The following PCTP variants were observed in gnomAD, a reference collection of about 807,000 sequenced individuals.
PCTP encodes the protein phosphatidylcholine transfer protein, also known as START domain-containing protein 2.
PCTP carries 27 observed loss-of-function variants against 31.0 expected under a neutral mutation model. The observed-to-expected ratio is 0.87, with a 90% CI of 0.64 to 1.20. The LOEUF is 1.20. PCTP is among the 50% of genes most tolerant of loss of function. The pLI is 0.00. For synonymous variants in PCTP, 108 were observed against 101.2 expected (o/e 1.07, Z -0.40); for missense variants, 287 against 268.2 (o/e 1.07, Z -0.49).
chr17:55,775,638 A>G, intron 5 of PCTP: 4 of 1,196,406 alleles, frequency 3.3e-6, no homozygotes, highest in Non-Finnish European at 4.1e-6. Context: ...CTAAATAATA[A>G]TATATCCTGC....
the PCTP span, among the ~76,000 whole-genome samples, chr17:55,849,450 C>G: frequency 6.6e-6 from 1 of 152,042 alleles, no homozygotes; most frequent in Non-Finnish European, 1.5e-5. Flanking sequence ...TGGTGAAACC[C>G]CATCTTTACT....
At chr17:55,851,233 A>G in the PCTP span, among the ~76,000 whole-genome samples, 1 of 152,232 alleles carries the variant, frequency 6.6e-6, no homozygotes, top group African/African-American at 2.4e-5. Flanking sequence ...CATCTTAGTC[A>G]TTACTGAGGC....
At chr17:55,833,288 T>A (rs1288320173) in intron 5 of PCTP, among the ~76,000 whole-genome samples, 3 of 152,238 alleles carry the variant, frequency 2.0e-5, no homozygotes, top group Admixed American at 1.3e-4. Flanking sequence ...GTTCTCAGGC[T>A]TGGAATCCAG....
downstream of PCTP, among the ~76,000 whole-genome samples, chr17:55,826,467 GA>G (rs11407655): frequency 1.6e-3 from 217 of 135,578 alleles, 4 homozygotes; most frequent in South Asian, 5.5e-3. Flanking sequence ...AAAAAGATAA[GA>G]AAAAAAAAAA....
chr17:55,849,624 A>G, the PCTP span, among the ~76,000 whole-genome samples: 139 of 152,330 alleles, frequency 9.1e-4, 1 homozygote, highest in African/African-American at 2.9e-3. Flanking sequence ...ACTCTGTCTC[A>G]AAATTAAATA....
intron 1 of PCTP, among the ~76,000 whole-genome samples, chr17:55,765,906 C>T (rs932302468): frequency 5.3e-5 from 8 of 152,194 alleles, no homozygotes; most frequent in Non-Finnish European, 1.2e-4. Flanking sequence ...AATCTGAGGA[C>T]CTTCCTTCTA....
chr17:55,845,887 G>GGTGTGTGTGTGTGTGTGTGT (rs34179575), downstream of PCTP, among the ~76,000 whole-genome samples: 215 of 143,054 alleles, frequency 1.5e-3, 2 homozygotes, highest in South Asian at 7.8e-3. Flanking sequence ...AGAGGGTTGG[G>GGTGTGTGTGTGTGTGTGTGT]GTGTGTGTGT....
chr17:55,761,508 C>T (rs1399610955), intron 1 of PCTP, among the ~76,000 whole-genome samples: 1 of 148,108 alleles, frequency 6.8e-6, no homozygotes, highest in East Asian at 2.0e-4. Flanking sequence ...TATATACCTA[C>T]TGGCATTATA....
At chr17:55,767,275 A>G in intron 1 of PCTP, 60 bp from the exon 2 acceptor site, 1 of 1,031,922 alleles carries the variant, frequency 9.7e-7, no homozygotes, top group Non-Finnish European at 1.5e-6. Flanking sequence ...AATTATGTGG[A>G]ATGCAGCTTT....
intron 1 of PCTP, among the ~76,000 whole-genome samples, chr17:55,766,428 C>A (rs1910659781): frequency 8.2e-6 from 1 of 121,986 alleles, no homozygotes; most frequent in African/African-American, 3.4e-5. Context: ...CACCCCACAA[C>A]AGTCCCCAGA....
chr17:55,831,083 C>G (rs1398388522), intron 5 of PCTP, among the ~76,000 whole-genome samples: 2 of 152,110 alleles, frequency 1.3e-5, no homozygotes. Flanking sequence ...CCCATTCAAT[C>G]GATTACGGGC....
chr17:55,767,292 A>G (rs1910716461), intron 1 of PCTP, 43 bp from the exon 2 acceptor site: 1 of 1,263,186 alleles, frequency 7.9e-7, no homozygotes, highest in South Asian at 1.3e-5. Flanking sequence ...CTTTCTCTCA[A>G]CTTGGGAACC....
intron 2 of PCTP, among the ~76,000 whole-genome samples, chr17:55,782,915 T>G (rs991806783): frequency 2.0e-5 from 3 of 152,206 alleles, no homozygotes; most frequent in Non-Finnish European, 4.4e-5. Flanking sequence ...TCCAAAAGGG[T>G]ACAGAACTTT....
At chr17:55,831,081 A>G (rs908436854) in intron 5 of PCTP, among the ~76,000 whole-genome samples, 1 of 152,016 alleles carries the variant, frequency 6.6e-6, no homozygotes, top group Non-Finnish European at 1.5e-5. Context: ...AGCCCATTCA[A>G]TCGATTACGG....
At chr17:55,781,071 G>C (rs1194700883), downstream of PCTP, among the ~76,000 whole-genome samples, 3 of 150,818 alleles carry the variant, frequency 2.0e-5, no homozygotes, top group Admixed American at 1.3e-4. Context: ...AGCTCAAAAA[G>C]AGTGTCCCTT....
At chr17:55,801,298 A>G (rs1912369843) in intron 3 of PCTP, among the ~76,000 whole-genome samples, 1 of 152,168 alleles carries the variant, frequency 6.6e-6, no homozygotes, top group Non-Finnish European at 1.5e-5. Context: ...AATATTAGAC[A>G]GATCAGTGTG....
At chr17:55,845,501 G>A (rs1464885805), downstream of PCTP, among the ~76,000 whole-genome samples, 1 of 152,222 alleles carries the variant, frequency 6.6e-6, no homozygotes, top group Admixed American at 6.5e-5. Context: ...GGGCAGTGTG[G>A]TCCTGCCGAA....
At chr17:55,792,172 G>C (rs182392014) in intron 3 of PCTP, among the ~76,000 whole-genome samples, 1 of 109,766 alleles carries the variant, frequency 9.1e-6, no homozygotes, top group Non-Finnish European at 1.8e-5. Context: ...GGGGGGAGGG[G>C]GGAGGGTTAG....
chr17:55,758,951 C>T (rs1009479857), intron 1 of PCTP, among the ~76,000 whole-genome samples: 1 of 152,132 alleles, frequency 6.6e-6, no homozygotes, highest in Admixed American at 6.5e-5. Flanking sequence ...TGCTGTATGG[C>T]GATTACAGGA....
Sources: allele counts gnomAD v4.1 joint callset (sites outside exome capture counted in the v4.1 genomes callset), GRCh38; gene constraint gnomAD v4.1.1; transcripts MANE v1.5; gene names NCBI Gene and HGNC (gene_info 2026-07-23, HGNC 2026-07-21).